ABTB3: variants seen among roughly 807,000 people sequenced by gnomAD.
ABTB3 encodes ankyrin repeat- and BTB/POZ domain-containing protein 3.
At chr12:107,480,864 A>G in the ABTB3 span, among the ~76,000 whole-genome samples, 1 of 152,228 alleles carries the variant, frequency 6.6e-6, no homozygotes, top group Non-Finnish European at 1.5e-5. Flanking sequence ...TTCTGCAGGA[A>G]CACTGCCTGC....
At chr12:107,518,831 AAATACTT>A in the ABTB3 span, among the ~76,000 whole-genome samples, 42,148 of 151,834 alleles carry the variant, frequency 0.28, 6,445 homozygotes, top group African/African-American at 0.38. Flanking sequence ...CTGTGTTGAC[AAATACTT>A]AATACTTGTT....
the ABTB3 span, among the ~76,000 whole-genome samples, chr12:107,424,027 C>G: frequency 3.3e-5 from 5 of 152,208 alleles, no homozygotes; most frequent in Admixed American, 1.3e-4. Context: ...TTGCATCTTC[C>G]TACCCACCAT....
the ABTB3 span, among the ~76,000 whole-genome samples, chr12:107,436,677 A>G: frequency 6.6e-6 from 1 of 152,232 alleles, no homozygotes; most frequent in African/African-American, 2.4e-5. Context: ...TGGGCACAGT[A>G]TCCAGAGGGT....
chr12:107,417,747 G>A, the ABTB3 span, among the ~76,000 whole-genome samples: 3 of 152,178 alleles, frequency 2.0e-5, no homozygotes, highest in Non-Finnish European at 4.4e-5. Context: ...CATTGTGCTC[G>A]GCTCACACTG....
chr12:107,318,839 G>GGAA, the ABTB3 span: 1 of 1,358,794 alleles, frequency 7.4e-7, no homozygotes, highest in East Asian at 2.5e-5. Flanking sequence ...AGTGAGCCAA[G>GGAA]GCGGCGCGGA....
chr12:107,655,650 C>T, the ABTB3 span, among the ~76,000 whole-genome samples: 2 of 152,222 alleles, frequency 1.3e-5, no homozygotes, highest in East Asian at 1.9e-4. Flanking sequence ...ACCTCCGCAA[C>T]GTTACCTCTG....
the ABTB3 span, among the ~76,000 whole-genome samples, chr12:107,573,357 C>A: frequency 1.3e-5 from 2 of 152,086 alleles, no homozygotes; most frequent in African/African-American, 4.8e-5. Context: ...AGGAACAGAA[C>A]CCATAGGATG....
At chr12:107,595,523 A>C in the ABTB3 span, among the ~76,000 whole-genome samples, 1 of 152,172 alleles carries the variant, frequency 6.6e-6, no homozygotes, top group Non-Finnish European at 1.5e-5. Context: ...TATGATTAGG[A>C]ATATATATTT....
the ABTB3 span, among the ~76,000 whole-genome samples, chr12:107,637,524 C>A: frequency 6.6e-6 from 1 of 152,150 alleles, no homozygotes; most frequent in African/African-American, 2.4e-5. Flanking sequence ...AAAGAAAAAG[C>A]ATCATGTAGT....
the ABTB3 span, among the ~76,000 whole-genome samples, chr12:107,593,386 T>C: frequency 1.3e-5 from 2 of 152,172 alleles, no homozygotes; most frequent in Non-Finnish European, 2.9e-5. Flanking sequence ...AGGAGTGCAT[T>C]TGGGGATTGG....
At chr12:107,587,134 A>G in the ABTB3 span, among the ~76,000 whole-genome samples, 11 of 152,250 alleles carry the variant, frequency 7.2e-5, no homozygotes, top group Non-Finnish European at 1.3e-4. Flanking sequence ...TGGGCCCTGC[A>G]CCAGGCTTTG....
chr12:107,483,298 C>T, the ABTB3 span, among the ~76,000 whole-genome samples: 1 of 152,160 alleles, frequency 6.6e-6, no homozygotes, highest in Admixed American at 6.5e-5. Flanking sequence ...TTGCCTCAGC[C>T]TCCCAAAGTG....
chr12:107,417,794 T>TA, the ABTB3 span, among the ~76,000 whole-genome samples: 26 of 152,198 alleles, frequency 1.7e-4, no homozygotes, highest in African/African-American at 5.1e-4. Context: ...CCCCCTCTGA[T>TA]ATAGTCTGCA....
At chr12:107,490,698 G>A in the ABTB3 span, among the ~76,000 whole-genome samples, 5 of 152,148 alleles carry the variant, frequency 3.3e-5, no homozygotes, top group Admixed American at 3.3e-4. Flanking sequence ...CTGTGACAGA[G>A]GCCAGGCAGG....
At chr12:107,520,447 T>C in the ABTB3 span, 2 of 1,598,444 alleles carry the variant, frequency 1.3e-6, no homozygotes, top group Non-Finnish European at 1.7e-6. Context: ...AAAATAACAA[T>C]CTGTTTTCCT....
chr12:107,379,138 C>CA, the ABTB3 span, among the ~76,000 whole-genome samples: 3 of 152,160 alleles, frequency 2.0e-5, no homozygotes, highest in African/African-American at 7.2e-5. Context: ...AGTAAACTCC[C>CA]ATAGGGTTGG....
chr12:107,486,045 G>A, the ABTB3 span, among the ~76,000 whole-genome samples: 1 of 152,186 alleles, frequency 6.6e-6, no homozygotes, highest in Non-Finnish European at 1.5e-5. Flanking sequence ...ATTATTTGGT[G>A]CTGTGGTTTG....
At chr12:107,617,243 G>T in the ABTB3 span, 228 of 1,613,688 alleles carry the variant, frequency 1.4e-4, no homozygotes, top group Non-Finnish European at 1.0e-4. Context: ...CCCTTGAAGT[G>T]CCTGTGACTA....
the ABTB3 span, among the ~76,000 whole-genome samples, chr12:107,654,836 A>ACACACG: frequency 2.4e-3 from 351 of 148,208 alleles, 2 homozygotes; most frequent in Middle Eastern, 0.011. Flanking sequence ...ACACACACAC[A>ACACACG]CACACACACA....
Sources: gnomAD v4.1 joint callset for allele counts (sites outside exome capture counted in the v4.1 genomes callset) on GRCh38, gnomAD v4.1.1 for gene constraint, MANE v1.5 for transcripts, NCBI Gene and HGNC (gene_info 2026-07-23, HGNC 2026-07-21) for gene names.